LINGO1: variants seen among roughly 807,000 people sequenced by gnomAD.
LINGO1 encodes leucine-rich repeat and immunoglobulin-like domain-containing nogo receptor-interacting protein 1.
Under a neutral mutation model 37.3 loss-of-function variants are expected in LINGO1, and 11 were observed. The observed-to-expected ratio is 0.29, with a 90% CI of 0.19 to 0.49. LINGO1 has a LOEUF of 0.49. Ranked by LOEUF, LINGO1 falls within the 20% of genes least tolerant of loss-of-function variation. LINGO1 has a pLI of 0.99. For missense variants in LINGO1, 585 were observed against 878.2 expected, an observed-to-expected ratio of 0.67 and a Z score of 4.22; for synonymous variants, 387 against 403.0, an observed-to-expected ratio of 0.96 and a Z score of 0.48.
chr15:77,714,790 G>A (rs555674267), intron 2 of LINGO1, among the ~76,000 whole-genome samples: 9 of 152,282 alleles, frequency 5.9e-5, no homozygotes, highest in Admixed American at 1.3e-4. Context: ...GGGTGCGCAC[G>A]TCTCTACGCG....
At chr15:77,816,072 G>A (rs991433351) in intron 1 of LINGO1, among the ~76,000 whole-genome samples, 2 of 152,108 alleles carry the variant, frequency 1.3e-5, no homozygotes, top group African/African-American at 4.8e-5. Context: ...TCAAGTGCCG[G>A]AAAATCTCAG....
intron 1 of LINGO1, among the ~76,000 whole-genome samples, chr15:77,758,070 C>T (rs2076438090): frequency 6.6e-6 from 1 of 152,196 alleles, no homozygotes; most frequent in Admixed American, 6.5e-5. Context: ...ACATTTAAGT[C>T]AACAGCTCGC....
chr15:77,780,035 C>T (rs1479396164), intron 1 of LINGO1, among the ~76,000 whole-genome samples: 2 of 152,214 alleles, frequency 1.3e-5, no homozygotes, highest in African/African-American at 4.8e-5. Flanking sequence ...ATCAACTCAG[C>T]CCAGGGGGCT....
At chr15:77,716,047 C>T (rs367863497) in intron 2 of LINGO1, among the ~76,000 whole-genome samples, 4 of 152,190 alleles carry the variant, frequency 2.6e-5, no homozygotes, top group African/African-American at 4.8e-5. Context: ...ACTTAACAGG[C>T]GACCAGCTCA....
chr15:77,659,265 C>A (rs2074935083), intron 3 of LINGO1, among the ~76,000 whole-genome samples: 1 of 152,176 alleles, frequency 6.6e-6, no homozygotes, highest in African/African-American at 2.4e-5. Flanking sequence ...ACACCATGCA[C>A]CACTGTCCCC....
At chr15:77,737,311 T>C (rs894901980) in intron 1 of LINGO1, among the ~76,000 whole-genome samples, 2 of 152,144 alleles carry the variant, frequency 1.3e-5, no homozygotes, top group African/African-American at 2.4e-5. Context: ...ACCTCCATTC[T>C]GCAGAAAAGG....
chr15:77,718,386 T>G (rs567958264), intron 2 of LINGO1, among the ~76,000 whole-genome samples: 1 of 150,968 alleles, frequency 6.6e-6, no homozygotes, highest in Non-Finnish European at 1.5e-5. Flanking sequence ...GCATGTGATA[T>G]GCACACAGCG....
At chr15:77,719,456 C>T (rs560462193) in intron 2 of LINGO1, among the ~76,000 whole-genome samples, 2 of 149,926 alleles carry the variant, frequency 1.3e-5, no homozygotes, top group South Asian at 2.2e-4. Context: ...CACAGTGCCA[C>T]GAAACCCAAA....
intron 3 of LINGO1, among the ~76,000 whole-genome samples, chr15:77,658,644 C>G (rs945434264): frequency 6.6e-6 from 1 of 152,228 alleles, no homozygotes; most frequent in African/African-American, 2.4e-5. Context: ...TGAGGGTGAC[C>G]AATCATCCCC....
At chr15:77,738,129 C>T (rs556526740) in intron 1 of LINGO1, among the ~76,000 whole-genome samples, 1 of 152,138 alleles carries the variant, frequency 6.6e-6, no homozygotes, top group Non-Finnish European at 1.5e-5. Flanking sequence ...CAGGTCTATC[C>T]CAGAACACAT....
chr15:77,747,763 A>G (rs2076329101), intron 1 of LINGO1, among the ~76,000 whole-genome samples: 2 of 152,210 alleles, frequency 1.3e-5, no homozygotes, highest in South Asian at 4.1e-4. Context: ...AAATGTCACC[A>G]TTAAAGGGAA....
At chr15:77,736,046 A>C (rs934840028) in intron 1 of LINGO1, among the ~76,000 whole-genome samples, 1 of 152,232 alleles carries the variant, frequency 6.6e-6, no homozygotes, top group Non-Finnish European at 1.5e-5. Context: ...ATAACACATG[A>C]AAGCATTCTC....
intron 1 of LINGO1, among the ~76,000 whole-genome samples, chr15:77,811,470 C>G (rs930866447): frequency 2.0e-5 from 3 of 152,094 alleles, no homozygotes; most frequent in Non-Finnish European, 4.4e-5. Context: ...GGGCTACATC[C>G]GCAGCCTGCC....
rs781003294 is a variant in LINGO1 at position 77,615,647 on chromosome 15, T to C, written c.260A>G (p.Asn87Ser). 21 of 1,611,886 alleles carry C rather than the reference T, an allele frequency of 1.3e-5. No individual in the cohort carries two copies. The South Asian group carries it at 2.1e-4, about 16-fold the overall frequency. Residue 87 changes from asparagine (N) to serine (S), a missense_variant, in exon 2 of 2, where the codon AAC (asparagine) becomes AGC (serine). Physicochemically the swap from Asn to Ser is conservative, Grantham distance 46. This residue lies in a region of LINGO1 where 484 missense variants were observed against 735.0 expected (regional missense o/e 0.66). Transcript: ENST00000355300. ...DLGKNRIKTL[N>S]QDEFASFPHL... ...CGGGAAGCTGGCGAACTCGTCCTGG[T>C]TGAGCGTTTTGATGCGGTTCTTGCC...
chr15:77,800,023 G>A (rs61603330), intron 1 of LINGO1, among the ~76,000 whole-genome samples: 58,702 of 151,952 alleles, frequency 0.39, 11,441 homozygotes, highest in Admixed American at 0.49. Context: ...GGAAAGAGCC[G>A]CAAGGAAAGA....
At chr15:77,622,889 G>A (rs1272714094) in intron 1 of LINGO1, among the ~76,000 whole-genome samples, 2 of 152,216 alleles carry the variant, frequency 1.3e-5, no homozygotes, top group Admixed American at 1.3e-4. Context: ...AGAAGCAACG[G>A]CCTCTGGCGG....
At chr15:77,650,174 C>T (rs756289555) in intron 3 of LINGO1, among the ~76,000 whole-genome samples, 3 of 152,110 alleles carry the variant, frequency 2.0e-5, no homozygotes, top group Non-Finnish European at 4.4e-5. Context: ...CTGGGGTGGC[C>T]GATTTGATGT....
At chr15:77,631,738 G>T (rs2074260595) in intron 1 of LINGO1, among the ~76,000 whole-genome samples, 1 of 152,240 alleles carries the variant, frequency 6.6e-6, no homozygotes, top group African/African-American at 2.4e-5. Flanking sequence ...GGCGCTCCCG[G>T]TCCCCAACTC....
intron 1 of LINGO1, among the ~76,000 whole-genome samples, chr15:77,747,016 C>A (rs1274182554): frequency 1.3e-5 from 2 of 152,214 alleles, no homozygotes; most frequent in African/African-American, 4.8e-5. Flanking sequence ...GAATCAGCTG[C>A]AAAATCTGGA....
Sources: gnomAD v4.1 joint callset for allele counts (sites outside exome capture counted in the v4.1 genomes callset) on GRCh38, gnomAD v4.1.1 for gene constraint, gnomAD v4.1.1 regional missense constraint, MANE v1.5 for transcripts, NCBI Gene and HGNC (gene_info 2026-07-23, HGNC 2026-07-21) for gene names.